The following TTC33 variants were observed in gnomAD, a reference collection of about 807,000 sequenced individuals.
The protein encoded by TTC33 is tetratricopeptide repeat protein 33.
A neutral mutation model predicts 29.4 loss-of-function variants in TTC33; 24 were observed. That is an observed-to-expected ratio of 0.82 (90% CI 0.59 to 1.15). The LOEUF (loss-of-function observed/expected upper bound fraction) is 1.15, where lower values mean the gene tolerates loss of function less well. TTC33 is among the 50% of genes most tolerant of loss of function. The pLI is 0.00. For synonymous variants in TTC33, 107 were observed against 100.3 expected (o/e 1.07, Z -0.40); for missense variants, 286 against 310.4 (o/e 0.92, Z 0.59).
chr5:40,745,812 G>A (rs1045104995), intron 2 of TTC33, among the ~76,000 whole-genome samples: 31 of 151,730 alleles, frequency 2.0e-4, no homozygotes, highest in African/African-American at 4.8e-4. Flanking sequence ...ATAGCTCACC[G>A]CATCCTCGAA....
At position 40,711,788 on chromosome 5, in the gene TTC33, A is replaced by G. The variant is rs183847829; in HGVS notation, c.*4357T>C. Among the ~76,000 whole-genome samples the G allele has an allele frequency of 6.6e-6, 1 of 152,268 alleles. No homozygotes were observed. ...TTCAAAAGCATCATGTTAAGCAAAAAAAAAGTCAGACACAAAAAGAGTGCA... is the reference window on the plus strand; with the variant it reads ...TTCAAAAGCATCATGTTAAGCAAAAGAAAAGTCAGACACAAAAAGAGTGCA... On this transcript the variant is annotated 3_prime_UTR_variant, in exon 5 of 5. Coordinates refer to ENST00000337702, the MANE Select transcript of TTC33 (RefSeq NM_012382.3).
At chr5:40,728,146 T>A (rs1742334007) in intron 4 of TTC33, among the ~76,000 whole-genome samples, 199 bp downstream of exon 4, 2 of 151,594 alleles carry the variant, frequency 1.3e-5, no homozygotes, top group Admixed American at 1.3e-4. Context: ...TAGCCAGGCA[T>A]GGTGGCGCAT....
At chr5:40,751,092 G>T (rs1377717691) in intron 1 of TTC33, among the ~76,000 whole-genome samples, 2 of 152,178 alleles carry the variant, frequency 1.3e-5, no homozygotes, top group Non-Finnish European at 1.5e-5. Context: ...TCTAGAATTA[G>T]AATCCTTTCC....
intron 2 of TTC33, among the ~76,000 whole-genome samples, chr5:40,745,619 G>A (rs1229296514): frequency 6.6e-6 from 1 of 151,698 alleles, no homozygotes; most frequent in African/African-American, 2.4e-5. Flanking sequence ...CAACCACTGG[G>A]CTCAAGCAAT....
chr5:40,727,254 A>G lies in TTC33; in HGVS notation c.435+1091T>C, dbSNP rs114202686. On this transcript the variant is annotated intron_variant, in intron 4 of 4. Transcript: ENST00000337702. ...TTGCAAGAAACTTTTAAAATGTTTT[A>G]TTTTGAACTGTAAAAAATAAAACCA... is the stretch of plus-strand genomic sequence containing the variant. Among the ~76,000 whole-genome samples, 309 of 152,300 alleles carry G rather than the reference A, an allele frequency of 2.0e-3. 1 individual carries two copies. The highest frequency in any genetic ancestry group is 6.9e-3 in the African/African-American group (289 of 41,590).
intron 1 of TTC33, among the ~76,000 whole-genome samples, chr5:40,748,527 T>A (rs1261636365): frequency 7.9e-5 from 12 of 152,178 alleles, no homozygotes; most frequent in African/African-American, 2.9e-4. Flanking sequence ...GGTGTGATAA[T>A]GGTATTGTAA....
Position 40,752,658 on chromosome 5 carries a change from C to T in TTC33, c.-2+3166G>A, listed in dbSNP as rs1742915872. Among the ~76,000 whole-genome samples, 4 of 152,216 alleles carry T rather than the reference C, an allele frequency of 2.6e-5. No homozygotes were observed. The South Asian group carries it at 8.3e-4, about 32-fold the overall frequency. ...CATATGGGCATGGTTCATGGCAACC[C>T]AAAATGATTACAATTGTTAACACCA... On this transcript the variant is annotated intron_variant, in intron 1 of 4. Coordinates refer to ENST00000337702, the MANE Select transcript of TTC33 (RefSeq NM_012382.3).
Position 40,712,186 on chromosome 5 carries a change from A to G in TTC33, c.*3959T>C, listed in dbSNP as rs1741910649. 6.6e-6 allele frequency among the ~76,000 whole-genome samples: 1 copy of G among 152,158 alleles called. No homozygotes were observed. The highest frequency in any genetic ancestry group is 2.4e-5 in the African/African-American group (1 of 41,440). On this transcript the variant is annotated 3_prime_UTR_variant, in exon 5 of 5. Coordinates refer to ENST00000337702, the MANE Select transcript of TTC33 (RefSeq NM_012382.3). ...ATGTGGTCTGTCACAATTCCAACTCAGCAGACCTTTTAAATATCCTGAACA... is the reference window on the plus strand; with the variant it reads ...ATGTGGTCTGTCACAATTCCAACTCGGCAGACCTTTTAAATATCCTGAACA...
chr5:40,747,886 C>A (rs1037305039), intron 1 of TTC33, among the ~76,000 whole-genome samples: 1 of 152,136 alleles, frequency 6.6e-6, no homozygotes, highest in Non-Finnish European at 1.5e-5. Context: ...AGTGCAACGG[C>A]CCGATCTCGG....
intron 2 of TTC33, among the ~76,000 whole-genome samples, chr5:40,742,440 C>T (rs249422): frequency 0.69 from 104,762 of 152,046 alleles, 36,139 homozygotes; most frequent in East Asian, 0.8. Context: ...TAGATATTTT[C>T]TGCAGAAAAG....
chr5:40,719,908 T>G (rs1473816695), intron 4 of TTC33, among the ~76,000 whole-genome samples: 1 of 152,210 alleles, frequency 6.6e-6, no homozygotes, highest in African/African-American at 2.4e-5. Context: ...GTTATTGAGT[T>G]GTAAGAGTTT....
At chr5:40,733,104 T>C (rs10069737) in intron 2 of TTC33, among the ~76,000 whole-genome samples, 53,071 of 152,082 alleles carry the variant, frequency 0.35, 10,187 homozygotes, top group Admixed American at 0.45. Context: ...TTTGTTCCGT[T>C]CATTATTTCA....
intron 4 of TTC33, among the ~76,000 whole-genome samples, chr5:40,722,848 C>G (rs1326570476): frequency 3.3e-5 from 5 of 151,546 alleles, no homozygotes; most frequent in South Asian, 2.1e-4. Context: ...CCAGCTGCCC[C>G]GTCCGGGAGG....
chr5:40,727,930 TG>T (rs1303474770), intron 4 of TTC33, among the ~76,000 whole-genome samples: 2 of 152,168 alleles, frequency 1.3e-5, no homozygotes, highest in Non-Finnish European at 2.9e-5. Context: ...ATTTGCTAAT[TG>T]TTTTTTGTAT....
At chr5:40,754,221 G>A (rs1245072865) in intron 1 of TTC33, among the ~76,000 whole-genome samples, 1 of 152,152 alleles carries the variant, frequency 6.6e-6, no homozygotes, top group Non-Finnish European at 1.5e-5. Flanking sequence ...GGGCTGCAGA[G>A]GTCAGGACAG....
At chr5:40,751,005 A>T (rs1334660031) in intron 1 of TTC33, among the ~76,000 whole-genome samples, 1 of 152,212 alleles carries the variant, frequency 6.6e-6, no homozygotes, top group Non-Finnish European at 1.5e-5. Context: ...TGAAGGTTGT[A>T]ATCAACTTCT....
Position 40,712,853 on chromosome 5 carries a change from A to G in TTC33, c.*3292T>C, listed in dbSNP as rs1741923987. On this transcript the variant is annotated 3_prime_UTR_variant, in exon 5 of 5. Coordinates refer to ENST00000337702, the MANE Select transcript of TTC33 (RefSeq NM_012382.3). Reference sequence around the variant, plus strand: ...GCCTTCTGACCAAAGTAGTTCATATATAGTGCACATTAGGGCATGATTCAT... The same window carrying G: ...GCCTTCTGACCAAAGTAGTTCATATGTAGTGCACATTAGGGCATGATTCAT... Among the ~76,000 whole-genome samples, 1 of 152,172 alleles carries G rather than the reference A, an allele frequency of 6.6e-6. No individual in the cohort carries two copies. Among genetic ancestry groups the G allele is most frequent in the Non-Finnish European group, 1.5e-5 (1 of 68,030 alleles).
At chr5:40,730,488 T>A in intron 2 of TTC33, 145 bp from the exon 3 acceptor site, 1 of 568,990 alleles carries the variant, frequency 1.8e-6, no homozygotes, top group African/African-American at 1.9e-5. Context: ...TAGCATTAAG[T>A]ACATATAGTT....
intron 2 of TTC33, among the ~76,000 whole-genome samples, chr5:40,734,933 G>A (rs778037898): frequency 5.3e-5 from 8 of 152,158 alleles, no homozygotes; most frequent in Non-Finnish European, 8.8e-5. Flanking sequence ...GTGGCTATTC[G>A]GAATGGGCGG....
Sources: gnomAD v4.1 joint callset for allele counts (sites outside exome capture counted in the v4.1 genomes callset) on GRCh38, gnomAD v4.1.1 for gene constraint, MANE v1.5 for transcripts, NCBI Gene and HGNC (gene_info 2026-07-23, HGNC 2026-07-21) for gene names.